The following COX7B2 variants were observed in gnomAD, a reference collection of about 807,000 sequenced individuals.
COX7B2 encodes the protein cytochrome c oxidase subunit 7B2, also known as cytochrome c oxidase subunit 7B2, mitochondrial.
For synonymous variants in COX7B2, 37 were observed against 32.1 expected, an observed-to-expected ratio of 1.15 and a Z score of -0.51; for missense variants, 109 against 95.9, an observed-to-expected ratio of 1.14 and a Z score of -0.57.
At chr4:46,762,719 C>A (rs1039252184) in intron 2 of COX7B2, among the ~76,000 whole-genome samples, 1 of 147,618 alleles carries the variant, frequency 6.8e-6, no homozygotes, top group Non-Finnish European at 1.5e-5. Flanking sequence ...CCTGGTACTA[C>A]TCTTGTTAAA....
At chr4:46,754,731 T>TATACATATATATATATATATAC (rs1242501164) in intron 2 of COX7B2, among the ~76,000 whole-genome samples, 1 of 122,618 alleles carries the variant, frequency 8.2e-6, no homozygotes, top group Non-Finnish European at 1.7e-5. Flanking sequence ...TGTGTGTGTA[T>TATACATATATATATATATATAC]ATATATATAT....
chr4:46,837,061 G>T (rs572761867), intron 2 of COX7B2, among the ~76,000 whole-genome samples: 3 of 152,150 alleles, frequency 2.0e-5, no homozygotes, highest in African/African-American at 7.2e-5. Flanking sequence ...GCATTTAATT[G>T]AGATATGTTC....
rs754039038 is a variant in COX7B2, at chr4:46,820,821, CA to C, written c.-50+24138del. ...GGACAAAAAAAGCAAAACTCCATCT[CA>C]AAAAAAAAAAAAATATATATATATA... On this transcript the variant is annotated intron_variant, in intron 2 of 2. Coordinates refer to ENST00000355591, the MANE Select transcript of COX7B2 (RefSeq NM_130902.3). 1.6e-3 allele frequency among the ~76,000 whole-genome samples: 214 copies of C among 137,776 alleles called. 1 individual carries two copies. The highest frequency in any genetic ancestry group is 8.3e-3 in the East Asian group (39 of 4,688). The allele number at this position is 137,776 out of a possible 152,430, so 90.4% of individuals were successfully genotyped here.
rs557834898 is a variant in COX7B2, at chr4:46,873,255, G to T, written c.-104-28241C>A. ...ACATTTGGGTTGGTTCCAAGTCTTT[G>T]CTATTGTGAATAGTGCCGCAATAAA... On this transcript the variant is annotated intron_variant, in intron 1 of 2. Transcript: ENST00000355591. Among the ~76,000 whole-genome samples the T allele has an allele frequency of 2.2e-4, 34 of 152,182 alleles. No individual in the cohort carries two copies. In the East Asian group the frequency reaches 6.6e-3, roughly 29 times the overall value.
intron 2 of COX7B2, among the ~76,000 whole-genome samples, chr4:46,766,342 A>G (rs1395009335): frequency 1.3e-5 from 2 of 152,210 alleles, no homozygotes; most frequent in Admixed American, 6.5e-5. Flanking sequence ...TAATTTGTTA[A>G]CAAATCCACA....
intron 1 of COX7B2, among the ~76,000 whole-genome samples, chr4:46,874,445 A>G (rs368818817): frequency 1.3e-5 from 2 of 152,310 alleles, no homozygotes; most frequent in African/African-American, 4.8e-5. Flanking sequence ...CAATTGCTAC[A>G]TCTAATGTGC....
At chr4:46,804,265 C>T (rs558504211) in intron 2 of COX7B2, among the ~76,000 whole-genome samples, 2 of 152,300 alleles carry the variant, frequency 1.3e-5, no homozygotes, top group Middle Eastern at 3.4e-3. Context: ...AGTAGCAAGA[C>T]TTACCGCAAA....
At chr4:46,758,699 G>A (rs1322918239) in intron 2 of COX7B2, among the ~76,000 whole-genome samples, 2 of 152,066 alleles carry the variant, frequency 1.3e-5, no homozygotes, top group Non-Finnish European at 2.9e-5. Context: ...GAAATTTAGT[G>A]AACCCAAAGA....
At chr4:46,801,966 C>A (rs1718681815) in intron 2 of COX7B2, among the ~76,000 whole-genome samples, 1 of 152,110 alleles carries the variant, frequency 6.6e-6, no homozygotes, top group Non-Finnish European at 1.5e-5. Context: ...AACTCACTCT[C>A]AGGAAAGTGA....
chr4:46,771,482 G>C (rs1012949809), intron 2 of COX7B2, among the ~76,000 whole-genome samples: 1 of 151,912 alleles, frequency 6.6e-6, no homozygotes, highest in Non-Finnish European at 1.5e-5. Flanking sequence ...TAAAGCAAAT[G>C]AAATCGGTAC....
At chr4:46,828,855 G>C (rs974652239) in intron 2 of COX7B2, among the ~76,000 whole-genome samples, 18 of 152,124 alleles carry the variant, frequency 1.2e-4, no homozygotes, top group African/African-American at 4.3e-4. Context: ...TGTAAAAAAG[G>C]TAATTGCAGA....
intron 2 of COX7B2, among the ~76,000 whole-genome samples, chr4:46,772,360 T>A (rs1716923677): frequency 6.6e-6 from 1 of 152,098 alleles, no homozygotes; most frequent in Non-Finnish European, 1.5e-5. Context: ...GTTCTAGAAA[T>A]CAAATGTGCA....
intron 2 of COX7B2, among the ~76,000 whole-genome samples, chr4:46,839,031 A>C (rs1045854783): frequency 2.0e-5 from 3 of 151,834 alleles, no homozygotes; most frequent in Non-Finnish European, 4.4e-5. Flanking sequence ...TTTATGTTTT[A>C]TTTTAGGAAT....
chr4:46,908,524 G>A (rs1293792834), intron 1 of COX7B2, among the ~76,000 whole-genome samples: 2 of 152,014 alleles, frequency 1.3e-5, no homozygotes, highest in Admixed American at 6.6e-5. Context: ...ATATATGATC[G>A]GTACCTAGAC....
intron 2 of COX7B2, among the ~76,000 whole-genome samples, chr4:46,832,169 T>C (rs1161611384): frequency 6.6e-6 from 1 of 152,128 alleles, no homozygotes; most frequent in Non-Finnish European, 1.5e-5. Flanking sequence ...TTGCTATAAA[T>C]TTTGCTACTG....
chr4:46,869,857 A>G (rs1717878968), intron 1 of COX7B2, among the ~76,000 whole-genome samples: 1 of 151,960 alleles, frequency 6.6e-6, no homozygotes, highest in Non-Finnish European at 1.5e-5. Context: ...TGTCTTGGGG[A>G]TGATCTTCTT....
chr4:46,832,668 T>G (rs1417470686), intron 2 of COX7B2, among the ~76,000 whole-genome samples: 2 of 152,130 alleles, frequency 1.3e-5, no homozygotes, highest in African/African-American at 4.8e-5. Context: ...GGCAGATTCC[T>G]AATAAACTGT....
At chr4:46,879,840 A>G (rs1281830788) in intron 1 of COX7B2, among the ~76,000 whole-genome samples, 1 of 152,116 alleles carries the variant, frequency 6.6e-6, no homozygotes, top group Non-Finnish European at 1.5e-5. Context: ...AGAAAGTGCC[A>G]CTAATTAACA....
intron 2 of COX7B2, among the ~76,000 whole-genome samples, chr4:46,765,346 C>T (rs1716465939): frequency 6.6e-6 from 1 of 152,246 alleles, no homozygotes; most frequent in African/African-American, 2.4e-5. Flanking sequence ...GAAGTGAGTA[C>T]TCAGTTTTGC....
Sources: gnomAD v4.1 joint callset for allele counts (sites outside exome capture counted in the v4.1 genomes callset) on GRCh38, gnomAD v4.1.1 for gene constraint, MANE v1.5 for transcripts, NCBI Gene and HGNC (gene_info 2026-07-23, HGNC 2026-07-21) for gene names.